The following LRRC66 variants were observed in gnomAD, a reference collection of about 807,000 sequenced individuals.
The protein encoded by LRRC66 is leucine-rich repeat-containing protein 66.
A neutral mutation model predicts 24.6 loss-of-function variants in LRRC66; 29 were observed. That is an observed-to-expected ratio of 1.18 (90% CI 0.88 to 1.61). The LOEUF is 1.61. Among genes scored for constraint, LRRC66 ranks in the 40% most tolerant of loss-of-function variants. The probability of loss-of-function intolerance (pLI) is 0.00; values close to 1 mark genes in which losing one functional copy is unlikely to be tolerated. For missense variants in LRRC66, 1,124 were observed against 1,058.0 expected, an observed-to-expected ratio of 1.06 and a Z score of -0.87; for synonymous variants, 411 against 397.6, an observed-to-expected ratio of 1.03 and a Z score of -0.40.
At position 51,995,571 on chromosome 4, in the gene LRRC66, C is replaced by G. The variant is rs763917959; in HGVS notation, c.1451G>C (p.Ser484Thr). The change falls in exon 5 of 5, where the codon AGT becomes ACT. Residue 484 changes from serine to threonine, a missense_variant. Transcript: ENST00000682860. ...TLGRSRKDPG[S>T]SQSPGQCGDN... Reference sequence around the variant, plus strand: ...CCCGCACTGTCCTGGGCTCTGCGAACTGCCAGGATCCTTTCTGCTCCTTCC... The same window carrying G: ...CCCGCACTGTCCTGGGCTCTGCGAAGTGCCAGGATCCTTTCTGCTCCTTCC... The G allele has an allele frequency of 3.7e-6, 6 of 1,614,168 alleles. No individual in the cohort carries two copies. The Admixed American group carries it at 8.3e-5, about 22-fold the overall frequency.
chr4:51,995,060 G>C lies in LRRC66; in HGVS notation c.1962C>G (p.Ser654Arg), dbSNP rs201216051. Reference protein sequence around the residue: ...RAEEALSAHYSEVPYGDPRDT... With the variant: ...RAEEALSAHYREVPYGDPRDT... ...CTCTTGGGTCACCGTATGGAACCTCGCTGTAGTGGGCTGAAAGCGCTTCCT... is the reference window on the plus strand; with the variant it reads ...CTCTTGGGTCACCGTATGGAACCTCCCTGTAGTGGGCTGAAAGCGCTTCCT... Residue 654 changes from serine to arginine, a missense_variant, in exon 5 of 5, where the codon AGC (serine) becomes AGG (arginine). Coordinates refer to ENST00000682860, the MANE Select transcript of LRRC66 (RefSeq NM_001024611.3). The C allele has an allele frequency of 1.2e-6, 2 of 1,614,004 alleles. No individual in the cohort carries two copies. Among genetic ancestry groups the C allele is most frequent in the African/African-American group, 2.7e-5 (2 of 74,922 alleles).
At chr4:52,010,437 G>T (rs1452460254) in intron 2 of LRRC66, among the ~76,000 whole-genome samples, 1 of 152,190 alleles carries the variant, frequency 6.6e-6, no homozygotes. Context: ...AGTGAGCATA[G>T]TACTCAATAG....
rs1211865309 is a variant in LRRC66 at position 51,995,883 on chromosome 4, C to A, written c.1139G>T (p.Cys380Phe). Residue 380 changes from cysteine (C) to phenylalanine (F), a missense_variant, in exon 5 of 5, where the codon TGC (cysteine) becomes TTC (phenylalanine). By Grantham distance (205) the Cys-to-Phe change is radical (BLOSUM62 -2). Coordinates refer to ENST00000682860, the MANE Select transcript of LRRC66 (RefSeq NM_001024611.3). ...DAPQDLALAVCLSVFITFLVA... is the reference protein window; with the variant it reads ...DAPQDLALAVFLSVFITFLVA... ...AAGGAATGTGATGAACACTGACAGG[C>A]ACACCGCCAGAGCCAGGTCCTGGGG... 1 of 1,614,132 alleles carries A rather than the reference C, an allele frequency of 6.2e-7. No homozygotes were observed. Among genetic ancestry groups the A allele is most frequent in the Non-Finnish European group, 8.5e-7 (1 of 1,180,018 alleles).
intron 3 of LRRC66, 71 bp from the exon 4 acceptor site, chr4:51,998,008 A>C: frequency 7.6e-7 from 1 of 1,317,044 alleles, no homozygotes; most frequent in Non-Finnish European, 1.1e-6. Context: ...AATGAGTTAC[A>C]GAAAACTACT....
At chr4:52,001,261 C>T (rs1736441875) in intron 3 of LRRC66, among the ~76,000 whole-genome samples, 2 of 151,978 alleles carry the variant, frequency 1.3e-5, no homozygotes, top group Admixed American at 6.6e-5. Flanking sequence ...ATCTGGAGGC[C>T]CAGGGAAGGA....
rs952527660 is a variant in LRRC66, at chr4:51,995,695, G to C, written c.1327C>G (p.Arg443Gly). The change falls in exon 5 of 5, where the codon CGC (arginine) becomes GGC (glycine). Residue 443 changes from arginine to glycine, a missense_variant. By Grantham distance (125) the Arg-to-Gly change is moderately radical. Coordinates refer to ENST00000682860, the MANE Select transcript of LRRC66 (RefSeq NM_001024611.3). ...GHTPHPETHL[R>G]QVFPHLSLYE... The stretch of plus-strand genomic sequence containing the variant: ...AGGCTTAGATGAGGAAATACTTGGC[G>C]CAGATGGGTCTCTGGGTGTGGTGTG... 4.3e-6 allele frequency: 7 copies of C among 1,614,116 alleles called. No homozygotes were observed. In the Middle Eastern group the frequency reaches 9.9e-4, roughly 228 times the overall value.
At chr4:52,008,865 C>T (rs561023679) in intron 2 of LRRC66, among the ~76,000 whole-genome samples, 10 of 152,020 alleles carry the variant, frequency 6.6e-5, no homozygotes, top group African/African-American at 2.2e-4. Context: ...AATATTTTTT[C>T]TTATATTTAA....
chr4:52,007,400 G>A (rs971603801), intron 2 of LRRC66, among the ~76,000 whole-genome samples: 1 of 151,994 alleles, frequency 6.6e-6, no homozygotes, highest in Admixed American at 6.6e-5. Context: ...TGCCCAGGCT[G>A]TTCTCAAATT....
In LRRC66 at chr4:52,003,252, G is replaced by C. The variant is rs761452125; in HGVS notation, c.637C>G (p.Gln213Glu). The change falls in exon 3 of 5, where the codon CAA becomes GAA. Residue 213 changes from glutamine (Q) to glutamate (E), a missense_variant. Coordinates refer to ENST00000682860, the MANE Select transcript of LRRC66 (RefSeq NM_001024611.3). ...AATTTTTTGAGGTCCTTGAAGGCTT[G>C]TGGGGGAATTTTGAATATCTTGTTG... The part of the protein sequence containing the change: ...KSNKIFKIPP[Q>E]AFKDLKKLQV... 5.0e-6 allele frequency: 8 copies of C among 1,613,214 alleles called. No individual in the cohort carries two copies. The highest frequency in any genetic ancestry group is 1.7e-4 in the Middle Eastern group (1 of 6,056).
intron 2 of LRRC66, among the ~76,000 whole-genome samples, chr4:52,004,304 G>A (rs866854716): frequency 5.3e-5 from 8 of 152,150 alleles, no homozygotes; most frequent in Admixed American, 1.3e-4. Flanking sequence ...CGCCACACCC[G>A]GTTGTCTTAT....
In LRRC66 at chr4:51,994,845, TCA is replaced by T; in HGVS notation, c.2175_2176del (p.Glu726ArgfsTer5). The T allele has an allele frequency of 6.2e-7, 1 of 1,614,212 alleles. No individual in the cohort carries two copies. The highest frequency in any genetic ancestry group is 8.5e-7 in the Non-Finnish European group (1 of 1,180,038). On this transcript the variant is annotated frameshift_variant, in exon 5 of 5. Transcript: ENST00000682860. LOFTEE classifies it low-confidence loss of function (END_TRUNC). ...GGACTCCTCATCAGGCACTGCCTCT[TCA>T]GTCTTGCTCCTTGCACTCTCTGAAC... is the stretch of plus-strand genomic sequence containing the variant.
intron 3 of LRRC66, among the ~76,000 whole-genome samples, chr4:52,000,741 C>T (rs1354429761): frequency 2.0e-5 from 3 of 152,330 alleles, no homozygotes; most frequent in South Asian, 2.1e-4. Context: ...GAACTGAATC[C>T]TGCCGACGGC....
At chr4:52,008,936 A>G (rs143745591) in intron 2 of LRRC66, among the ~76,000 whole-genome samples, 5 of 152,286 alleles carry the variant, frequency 3.3e-5, no homozygotes, top group Admixed American at 6.5e-5. Context: ...GAAATTATAT[A>G]TAGGGGTAAA....
chr4:52,001,360 G>A (rs1466370902), intron 3 of LRRC66, among the ~76,000 whole-genome samples: 1 of 152,148 alleles, frequency 6.6e-6, no homozygotes, highest in African/African-American at 2.4e-5. Flanking sequence ...GAGGACTTGA[G>A]GTGAAAACAG....
Position 51,994,684 on chromosome 4 carries a change from C to A in LRRC66, c.2338G>T (p.Ala780Ser), listed in dbSNP as rs1280109244. The A allele has an allele frequency of 6.2e-7, 1 of 1,614,034 alleles. No individual in the cohort carries two copies. The highest frequency in any genetic ancestry group is 8.5e-7 in the Non-Finnish European group (1 of 1,180,032). Residue 780 changes from alanine to serine, a missense_variant, in exon 5 of 5, where the codon GCT (alanine) becomes TCT (serine). Ala to Ser is a moderately conservative substitution (Grantham distance 99). Coordinates refer to ENST00000682860, the MANE Select transcript of LRRC66 (RefSeq NM_001024611.3). The part of the protein sequence containing the change: ...EDPFEKPLIS[A>S]PDSGMYKTHL... Reference sequence around the variant, plus strand: ...GTCTTGTACATGCCAGAGTCTGGAGCAGAAATGAGAGGTTTTTCAAAGGGA... The same window carrying A: ...GTCTTGTACATGCCAGAGTCTGGAGAAGAAATGAGAGGTTTTTCAAAGGGA...
intron 1 of LRRC66, 83 bp from the exon 2 acceptor site, chr4:52,017,701 T>G (rs867083853): frequency 5.0e-6 from 7 of 1,401,908 alleles, no homozygotes; most frequent in Non-Finnish European, 6.5e-6. Flanking sequence ...ATTTTCAATT[T>G]AAGATTTCGG....
chr4:52,005,700 A>C (rs1736566241), intron 2 of LRRC66, among the ~76,000 whole-genome samples: 1 of 151,970 alleles, frequency 6.6e-6, no homozygotes, highest in Non-Finnish European at 1.5e-5. Context: ...TATTCTGGTA[A>C]AAAATATTTC....
At chr4:52,016,895 T>C (rs546965890) in intron 2 of LRRC66, among the ~76,000 whole-genome samples, 1 of 152,336 alleles carries the variant, frequency 6.6e-6, no homozygotes, top group East Asian at 1.9e-4. Flanking sequence ...TAACCGCACA[T>C]AACATTAATG....
rs1736235294 is a variant in LRRC66, at chr4:51,994,334, A to G, written c.*45T>C. The G allele has an allele frequency of 2.0e-6, 3 of 1,515,908 alleles. No individual in the cohort carries two copies. The highest frequency in any genetic ancestry group is 1.4e-5 in the African/African-American group (1 of 71,718). The allele number at this position is 1,515,908 out of a possible 1,614,324, so 93.9% of individuals were successfully genotyped here. A position where few individuals can be genotyped will look rare whatever the true frequency, so the allele number is the denominator to read the frequency against. ...AGTTTTCCCCTGCCATGATCTTTAA[A>G]AGAATATTGTTTAGAGCTGTGAATA... On this transcript the variant is annotated 3_prime_UTR_variant, in exon 5 of 5. Coordinates refer to ENST00000682860, the MANE Select transcript of LRRC66 (RefSeq NM_001024611.3).
Sources: allele counts gnomAD v4.1 joint callset (sites outside exome capture counted in the v4.1 genomes callset), GRCh38; gene constraint gnomAD v4.1.1; transcripts MANE v1.5; gene names NCBI Gene and HGNC (gene_info 2026-07-23, HGNC 2026-07-21).